Variants in COL7A1 observed in about 807,000 individuals in gnomAD.
The protein encoded by COL7A1 is collagen type VII alpha 1 chain, also known as collagen alpha-1(VII) chain.
A neutral mutation model predicts 456.2 loss-of-function variants in COL7A1; 296 were observed. The ratio of observed to expected loss-of-function variants is 0.65; its 90% CI spans 0.59 to 0.71. COL7A1 has a LOEUF of 0.71. COL7A1 is among the 30% of genes least tolerant of loss of function. The probability of loss-of-function intolerance (pLI) is 0.00; values close to 1 mark genes in which losing one functional copy is unlikely to be tolerated. For missense variants in COL7A1, 3,441 were observed against 4,017.2 expected (o/e 0.86, Z 3.88); for synonymous variants, 1,464 against 1,525.9 (o/e 0.96, Z 0.95).
rs2045594569 is a variant in COL7A1 at position 48,590,233 on chromosome 3, G to A, written c.2030C>T (p.Ala677Val). The change falls in exon 16 of 119, where the codon GCA (alanine) becomes GTA (valine). Residue 677 changes from alanine (A) to valine (V), a missense_variant. By Grantham distance (64) the Ala-to-Val change is moderately conservative. Around this residue, in one of 3 missense-constraint regions of COL7A1, gnomAD observed 913 missense variants for 1,088.2 expected, o/e 0.84. Coordinates refer to ENST00000681320, the MANE Select transcript of COL7A1 (RefSeq NM_000094.4). This position sits in a 1 kb window ranked among gnomAD's most constrained non-coding sequence, Gnocchi z 4.6. Reference protein sequence around the residue: ...VLRGREEGPAAVIVARTDPLG... With the variant: ...VLRGREEGPAVVIVARTDPLG... ...CTGACCCGTTCGAGCCACGATGACT[G>A]CAGCAGGGCCCTCCTCTCTGCCTCG... 2 of 1,613,632 alleles carry A rather than the reference G, an allele frequency of 1.2e-6. No homozygotes were observed. The highest frequency in any genetic ancestry group is 2.7e-5 in the African/African-American group (2 of 75,008).
chr3:48,583,511 G>A lies in COL7A1; in HGVS notation c.4401+45C>T, dbSNP rs376917010. On this transcript the variant is annotated intron_variant, in intron 41 of 118. Transcript: ENST00000681320. The surrounding 1 kb of genome is among the most constrained non-coding windows in gnomAD (Gnocchi z 5.1). ...GTGGTTGATGATTGAGGTAGGGGCT[G>A]GAGCTGTGCCCACCATATTCAGAAT... is the stretch of plus-strand genomic sequence containing the variant. 13 of 1,613,446 alleles carry A rather than the reference G, an allele frequency of 8.1e-6. No homozygotes were observed. Among genetic ancestry groups the A allele is most frequent in the African/African-American group, 1.3e-5 (1 of 75,012 alleles).
rs745448265 is a variant in COL7A1 at position 48,581,686 on chromosome 3, A to C, written c.4722+20T>G. 3.7e-6 allele frequency: 6 copies of C among 1,613,938 alleles called. No individual in the cohort carries two copies. The highest frequency in any genetic ancestry group is 1.6e-4 in the Middle Eastern group (1 of 6,084). On this transcript the variant is annotated intron_variant, in intron 49 of 118. Coordinates refer to ENST00000681320, the MANE Select transcript of COL7A1 (RefSeq NM_000094.4). The surrounding 1 kb of genome is among the most constrained non-coding windows in gnomAD (Gnocchi z 5.8). ...AGACAACCTTCACCAACTGCCCCCTAAACACTTCGCTTCACTTACCCGTTC... is the reference window on the plus strand; with the variant it reads ...AGACAACCTTCACCAACTGCCCCCTCAACACTTCGCTTCACTTACCCGTTC...
intron 71 of COL7A1, 134 bp downstream of exon 71, chr3:48,576,115 G>T: frequency 6.9e-7 from 1 of 1,454,986 alleles, no homozygotes; most frequent in African/African-American, 1.4e-5. Flanking sequence ...TGGGCTACAA[G>T]AACCCCAATG....
At position 48,580,879 on chromosome 3, in the gene COL7A1, C is replaced by T. The variant is rs1302891705; in HGVS notation, c.4980+3G>A. The T allele has an allele frequency of 1.2e-6, 2 of 1,614,136 alleles. No individual in the cohort carries two copies. The highest frequency in any genetic ancestry group is 4.5e-5 in the East Asian group (2 of 44,880). On this transcript the variant is annotated splice_donor_region_variant and intron_variant, in intron 54 of 118. Transcript: ENST00000681320. This position sits in a 1 kb window ranked among gnomAD's most constrained non-coding sequence, Gnocchi z 4.5. ...CCTGTTACTTCTCTCTGCCAAGACT[C>T]ACCCGAAGGCCACGCTCGCCTGCTT...
chr3:48,579,801 G>C lies in COL7A1; in HGVS notation c.5138C>G (p.Pro1713Arg), dbSNP rs2044603580. 1 of 1,613,926 alleles carries C rather than the reference G, an allele frequency of 6.2e-7. No homozygotes were observed. Among genetic ancestry groups the C allele is most frequent in the African/African-American group, 1.3e-5 (1 of 74,888 alleles). Residue 1713 changes from proline (P) to arginine (R), a missense_variant, in exon 58 of 119, where the codon CCT becomes CGT. This residue lies in a region of COL7A1 where 2,084 missense variants were observed against 2,501.3 expected (regional missense o/e 0.83). Transcript: ENST00000681320. The surrounding 1 kb of genome is among the most constrained non-coding windows in gnomAD (Gnocchi z 4.4). ...CCCTAATACCTTCTCTCTGGCTCCA[G>C]GTCCTGTGTCTACCTGTGGGGGGAA... ...GPPGRLVDTG[P>R]GAREKGEPGD...
Position 48,578,875 on chromosome 3 carries a change from C to T in COL7A1, c.5424+44G>A, listed in dbSNP as rs763357369. On this transcript the variant is annotated intron_variant, in intron 63 of 118. Transcript: ENST00000681320. The surrounding 1 kb of genome is among the most constrained non-coding windows in gnomAD (Gnocchi z 4.7). ...ACTATGATGATCTGGTTGGAGCTTA[C>T]GCAGCCCCGAGCCCCCTCTGTCCCA... is the stretch of plus-strand genomic sequence containing the variant. 6.9e-6 allele frequency: 11 copies of T among 1,591,494 alleles called. No homozygotes were observed. Among genetic ancestry groups the T allele is most frequent in the Admixed American group, 1.7e-5 (1 of 57,832 alleles).
intron 44 of COL7A1, 63 bp from the exon 45 acceptor site, chr3:48,582,716 G>C (rs2044860211): frequency 6.4e-7 from 1 of 1,572,694 alleles, no homozygotes; most frequent in Admixed American, 1.7e-5. Context: ...GACAGACAGG[G>C]CTAGAGGCTG....
In COL7A1 at chr3:48,569,523, C is replaced by T. The variant is rs2043778206; in HGVS notation, c.7614+69G>A. 6.2e-7 allele frequency: 1 copy of T among 1,613,068 alleles called. No individual in the cohort carries two copies. Among genetic ancestry groups the T allele is most frequent in the African/African-American group, 1.3e-5 (1 of 75,008 alleles). On this transcript the variant is annotated intron_variant, in intron 102 of 118. Transcript: ENST00000681320. This position sits in a 1 kb window ranked among gnomAD's most constrained non-coding sequence, Gnocchi z 4.9. ...CTCTGGGAGTTTGAGCTCTCAGATGCCCTGGGCCAGCCCCACGGGGTCCCT... is the reference window on the plus strand; with the variant it reads ...CTCTGGGAGTTTGAGCTCTCAGATGTCCTGGGCCAGCCCCACGGGGTCCCT...
chr3:48,568,033 G>GGCCAGGT lies in COL7A1; in HGVS notation c.7875+56_7875+57insACCTGGC. Reference sequence around the variant, plus strand: ...CCTAATATCTGACCCCAGGTCCCTCGCCCTTCAACATTAGGCCTTCCTGAC... The same window carrying GGCCAGGT: ...CCTAATATCTGACCCCAGGTCCCTCGGCCAGGTCCCTTCAACATTAGGCCTTCCTGAC... On this transcript the variant is annotated intron_variant, in intron 106 of 118. Coordinates refer to ENST00000681320, the MANE Select transcript of COL7A1 (RefSeq NM_000094.4). The surrounding 1 kb of genome is among the most constrained non-coding windows in gnomAD (Gnocchi z 5.2). 6.2e-7 allele frequency: 1 copy of GGCCAGGT among 1,607,378 alleles called. No individual in the cohort carries two copies.
rs2043766136 is a variant in COL7A1, at chr3:48,569,294, T to TC, written c.7686+80dup. ...AACCCCAGAAAGCCTCCTCCTGTCCTCCCCTCCTGCCCTCACAGATGCTGT... is the reference window on the plus strand; with the variant it reads ...AACCCCAGAAAGCCTCCTCCTGTCCTCCCCCTCCTGCCCTCACAGATGCTGT... On this transcript the variant is annotated intron_variant, in intron 103 of 118. Transcript: ENST00000681320. The surrounding 1 kb of genome is among the most constrained non-coding windows in gnomAD (Gnocchi z 4.9). 6.5e-7 allele frequency: 1 copy of TC among 1,541,120 alleles called. No individual in the cohort carries two copies. The highest frequency in any genetic ancestry group is 9.0e-7 in the Non-Finnish European group (1 of 1,114,054).
Position 48,575,501 on chromosome 3 carries a change from G to A in COL7A1, c.6018C>T (p.Gly2006=), listed in dbSNP as rs367583660. The change falls in exon 74 of 119, where the codon GGC becomes GGT. Residue 2006 remains glycine, a synonymous_variant. Coordinates refer to ENST00000681320, the MANE Select transcript of COL7A1 (RefSeq NM_000094.4). The surrounding 1 kb of genome is among the most constrained non-coding windows in gnomAD (Gnocchi z 6.3). ...CCTGAGGGCCAGGGTCTCCACGGTC[G>A]CCCTTCAGCCCGCGTTCTCCAGGAA... ...IGFPGERGLK[G]DRGDPGPQGP... is the part of the protein sequence containing the mutation. 4.3e-6 allele frequency: 7 copies of A among 1,612,354 alleles called. No individual in the cohort carries two copies. Among genetic ancestry groups the A allele is most frequent in the African/African-American group, 1.3e-5 (1 of 74,988 alleles).
chr3:48,580,744 C>A lies in COL7A1; in HGVS notation c.4981-92G>T. 1 of 1,567,868 alleles carries A rather than the reference C, an allele frequency of 6.4e-7. No individual in the cohort carries two copies. The highest frequency in any genetic ancestry group is 1.1e-5 in the South Asian group (1 of 89,580). ...CACTGCCCCAGGTTCCCCATTACTC[C>A]AAAATCCACATCAGAGGTTCCCATC... On this transcript the variant is annotated intron_variant, in intron 54 of 118. Transcript: ENST00000681320. This position sits in a 1 kb window ranked among gnomAD's most constrained non-coding sequence, Gnocchi z 4.5.
chr3:48,572,819 A>G lies in COL7A1; in HGVS notation c.6831+43T>C, dbSNP rs1257628127. 1 of 1,613,372 alleles carries G rather than the reference A, an allele frequency of 6.2e-7. No homozygotes were observed. The highest frequency in any genetic ancestry group is 1.1e-5 in the South Asian group (1 of 91,068). On this transcript the variant is annotated intron_variant, in intron 87 of 118. Transcript: ENST00000681320. The surrounding 1 kb of genome is among the most constrained non-coding windows in gnomAD (Gnocchi z 4.6). The stretch of plus-strand genomic sequence containing the variant: ...CCCACTCCTCATATTTCAGGCCCAC[A>G]GCTGGGCACCACACCCTAGCGAGCT...
Position 48,571,535 on chromosome 3 carries a change from G to A in COL7A1, c.7069-257C>T, listed in dbSNP as rs745571703. 2.0e-5 allele frequency: 14 copies of A among 699,710 alleles called. No individual in the cohort carries two copies. The highest frequency in any genetic ancestry group is 7.5e-5 in the South Asian group (5 of 66,590). The allele number at this position is 699,710 out of a possible 1,614,324, so 43.3% of individuals were successfully genotyped here. A position where few individuals can be genotyped will look rare whatever the true frequency, so the allele number is the denominator to read the frequency against. On this transcript the variant is annotated intron_variant, in intron 92 of 118. Coordinates refer to ENST00000681320, the MANE Select transcript of COL7A1 (RefSeq NM_000094.4). This position sits in a 1 kb window ranked among gnomAD's most constrained non-coding sequence, Gnocchi z 4.6. ...TGGCACAGGCACAGGGAGCCCACAC[G>A]CGAGTGCAGACATCTGGCTCCACAG...
chr3:48,577,410 T>C (rs1253001502), intron 65 of COL7A1, among the ~76,000 whole-genome samples: 2 of 152,248 alleles, frequency 1.3e-5, no homozygotes, highest in African/African-American at 4.8e-5. Flanking sequence ...CATGTCTGCA[T>C]ATGGGCATGG....
rs427245 is a variant in COL7A1, at chr3:48,566,493, T to C, written c.8358+17A>G. 8 of 1,259,150 alleles carry C rather than the reference T, an allele frequency of 6.4e-6. No individual in the cohort carries two copies. Among genetic ancestry groups the C allele is most frequent in the Non-Finnish European group, 2.2e-6 (2 of 897,214 alleles). 78.0% of individuals were successfully genotyped at this position (1,259,150 alleles called of 1,614,324 possible). A position where few individuals can be genotyped will look rare whatever the true frequency, so the allele number is the denominator to read the frequency against. On this transcript the variant is annotated intron_variant, in intron 113 of 118. Coordinates refer to ENST00000681320, the MANE Select transcript of COL7A1 (RefSeq NM_000094.4). This position sits in a 1 kb window ranked among gnomAD's most constrained non-coding sequence, Gnocchi z 5.9. ...GCCCACCCAGGCCCTCCCAGGCCCA[T>C]CCAGGCCCACACTCACCGTCAGTGC...
Position 48,573,718 on chromosome 3 carries a change from T to C in COL7A1, c.6545A>G (p.His2182Arg), listed in dbSNP as rs2044089047. Residue 2182 changes from histidine (H) to arginine (R), a missense_variant, in exon 82 of 119, where the codon CAT becomes CGT. Around this residue, in one of 3 missense-constraint regions of COL7A1, gnomAD observed 2,084 missense variants for 2,501.3 expected, o/e 0.83. Coordinates refer to ENST00000681320, the MANE Select transcript of COL7A1 (RefSeq NM_000094.4). This position sits in a 1 kb window ranked among gnomAD's most constrained non-coding sequence, Gnocchi z 5.5. ...PRGPPGPVGG[H>R]GDPGPPGAPG... ...GGCACCAGGTGGTCCAGGGTCTCCA[T>C]GACCACCCTGTTGTGGCGAAAAAGA... 1.2e-6 allele frequency: 2 copies of C among 1,613,360 alleles called. No individual in the cohort carries two copies. The highest frequency in any genetic ancestry group is 1.7e-6 in the Non-Finnish European group (2 of 1,179,750).
chr3:48,587,331 G>T lies in COL7A1; in HGVS notation c.2998C>A (p.Pro1000Thr). Reference protein sequence around the residue: ...RPLRGPGQEVPGSPQTLPGIS... With the variant: ...RPLRGPGQEVTGSPQTLPGIS... ...CCTGGAAGTGTCTGCGGGGACCCAG[G>T]CACTTCTGCAGGAGACAGAACTTGA... Residue 1000 changes from proline (P) to threonine (T), a missense_variant, in exon 24 of 119, where the codon CCT (proline) becomes ACT (threonine). Physicochemically the swap from Pro to Thr is conservative, Grantham distance 38. Transcript: ENST00000681320. This position sits in a 1 kb window ranked among gnomAD's most constrained non-coding sequence, Gnocchi z 6.1. 3 of 1,603,698 alleles carry T rather than the reference G, an allele frequency of 1.9e-6. No homozygotes were observed. The highest frequency in any genetic ancestry group is 2.6e-6 in the Non-Finnish European group (3 of 1,175,150).
chr3:48,587,467 G>A lies in COL7A1; in HGVS notation c.2945C>T (p.Ala982Val). The change falls in exon 23 of 119, where the codon GCA becomes GTA. Residue 982 changes from alanine to valine, a missense_variant. Ala to Val is a moderately conservative substitution (Grantham distance 64). This residue lies in a region of COL7A1 where 444 missense variants were observed against 427.6 expected (regional missense o/e 1.04). Coordinates refer to ENST00000681320, the MANE Select transcript of COL7A1 (RefSeq NM_000094.4). The surrounding 1 kb of genome is among the most constrained non-coding windows in gnomAD (Gnocchi z 6.1). ...VTLAWTPVSR[A>V]SSYILSWRPL... is the part of the protein sequence containing the mutation. The stretch of plus-strand genomic sequence containing the variant: ...CCGCCAGGATAGGATGTAGCTGGAT[G>A]CCCTGGACACTGGAGTCCAGGCCAA... 1 of 1,613,310 alleles carries A rather than the reference G, an allele frequency of 6.2e-7. No individual in the cohort carries two copies. Among genetic ancestry groups the A allele is most frequent in the Non-Finnish European group, 8.5e-7 (1 of 1,180,034 alleles).
Sources: gnomAD v4.1 joint callset for allele counts (sites outside exome capture counted in the v4.1 genomes callset) on GRCh38, gnomAD v4.1.1 for gene constraint, gnomAD v4.1.1 regional missense constraint, Gnocchi (gnomAD v3.1) non-coding constraint, MANE v1.5 for transcripts, NCBI Gene and HGNC (gene_info 2026-07-23, HGNC 2026-07-21) for gene names.